Variants in TMCC1 observed in about 807,000 individuals in gnomAD.
TMCC1 encodes transmembrane and coiled-coil domains protein 1.
TMCC1 carries 15 observed loss-of-function variants against 52.4 expected under a neutral mutation model. That is an observed-to-expected ratio of 0.29 (90% CI 0.19 to 0.44). TMCC1 has a LOEUF of 0.44. Among genes scored for constraint, TMCC1 ranks in the 20% least tolerant of loss-of-function variants. The pLI, the probability that TMCC1 is intolerant of heterozygous loss-of-function variation, is 1.00. For missense variants in TMCC1, 503 were observed against 806.0 expected, an observed-to-expected ratio of 0.62 and a Z score of 4.55; for synonymous variants, 279 against 301.9, an observed-to-expected ratio of 0.92 and a Z score of 0.79.
At chr3:129,664,200 G>C (rs573484279) in intron 5 of TMCC1, among the ~76,000 whole-genome samples, 21 of 152,180 alleles carry the variant, frequency 1.4e-4, no homozygotes, top group African/African-American at 3.4e-4. Context: ...CAAACTTATT[G>C]TCCAAATCTA....
chr3:129,743,510 T>C (rs531348441), intron 4 of TMCC1, among the ~76,000 whole-genome samples: 2 of 152,302 alleles, frequency 1.3e-5, no homozygotes, highest in South Asian at 2.1e-4. Flanking sequence ...ATGTGAAGTA[T>C]TCAGAGCAAA....
At chr3:129,873,916 A>G (rs568054397) in intron 2 of TMCC1, among the ~76,000 whole-genome samples, 1 of 152,288 alleles carries the variant, frequency 6.6e-6, no homozygotes, top group East Asian at 1.9e-4. Flanking sequence ...TTGGATTTTC[A>G]AATTTGGGAT....
intron 1 of TMCC1, among the ~76,000 whole-genome samples, chr3:129,889,164 C>T (rs1413795447): frequency 2.0e-5 from 3 of 151,996 alleles, no homozygotes; most frequent in Admixed American, 2.0e-4. Flanking sequence ...CCCAGCTACT[C>T]CGGACATTGA....
chr3:129,694,587 A>C (rs917316228), intron 4 of TMCC1, among the ~76,000 whole-genome samples: 1 of 152,232 alleles, frequency 6.6e-6, no homozygotes, highest in African/African-American at 2.4e-5. Flanking sequence ...GAAGCCAGCT[A>C]AAACCCACTG....
intron 2 of TMCC1, among the ~76,000 whole-genome samples, chr3:129,839,757 C>T (rs2107863502): frequency 6.6e-6 from 1 of 152,040 alleles, no homozygotes; most frequent in East Asian, 1.9e-4. Context: ...TGGTGGTGTG[C>T]ACCTGTAGTA....
At chr3:129,835,463 C>T (rs1046781613) in intron 2 of TMCC1, among the ~76,000 whole-genome samples, 1 of 151,794 alleles carries the variant, frequency 6.6e-6, no homozygotes, top group African/African-American at 2.4e-5. Context: ...GTTTTAGAAT[C>T]CAGAAAGAGA....
intron 4 of TMCC1, among the ~76,000 whole-genome samples, chr3:129,799,409 A>C (rs2057044392): frequency 6.6e-6 from 1 of 152,188 alleles, no homozygotes. Flanking sequence ...GTTGTTGCCT[A>C]TTCTGTAATG....
At chr3:129,760,427 TG>T (rs1560352514) in intron 4 of TMCC1, among the ~76,000 whole-genome samples, 3 of 149,320 alleles carry the variant, frequency 2.0e-5, no homozygotes, top group African/African-American at 7.3e-5. Context: ...TGTGTGTGTG[TG>T]TGTGTGTTTT....
At chr3:129,864,288 G>C (rs1303944741) in intron 2 of TMCC1, among the ~76,000 whole-genome samples, 1 of 152,152 alleles carries the variant, frequency 6.6e-6, no homozygotes, top group Non-Finnish European at 1.5e-5. Flanking sequence ...ACTTGCCTAA[G>C]ATCTCACAGC....
chr3:129,751,854 C>T (rs1019162062), intron 4 of TMCC1, among the ~76,000 whole-genome samples: 3 of 152,088 alleles, frequency 2.0e-5, no homozygotes, highest in African/African-American at 4.8e-5. Flanking sequence ...CCACCATGCC[C>T]AGCACACTAT....
intron 2 of TMCC1, among the ~76,000 whole-genome samples, chr3:129,837,363 G>A (rs2059205548): frequency 6.6e-6 from 1 of 152,064 alleles, no homozygotes; most frequent in Non-Finnish European, 1.5e-5. Context: ...AGCACAAAGG[G>A]AAAACCCAAA....
intron 4 of TMCC1, among the ~76,000 whole-genome samples, chr3:129,795,110 C>T (rs367951042): frequency 5.9e-5 from 9 of 152,296 alleles, no homozygotes; most frequent in Admixed American, 6.5e-5. Context: ...CATACTCCGA[C>T]GGTGACTTCA....
chr3:129,711,907 C>A (rs2048717658), intron 4 of TMCC1, among the ~76,000 whole-genome samples: 1 of 141,184 alleles, frequency 7.1e-6, no homozygotes, highest in Non-Finnish European at 1.5e-5. Flanking sequence ...GAGGCTGAGG[C>A]AGGAGAATCG....
chr3:129,775,485 A>G (rs781766991), intron 4 of TMCC1, among the ~76,000 whole-genome samples: 3 of 152,136 alleles, frequency 2.0e-5, no homozygotes, highest in Non-Finnish European at 4.4e-5. Context: ...AGAAAAAGAA[A>G]TTAAACATAA....
intron 2 of TMCC1, among the ~76,000 whole-genome samples, chr3:129,833,065 T>C (rs1233507713): frequency 6.6e-6 from 1 of 152,132 alleles, no homozygotes; most frequent in Non-Finnish European, 1.5e-5. Flanking sequence ...AATATTAACT[T>C]AGCACTTGAA....
chr3:129,787,380 C>A (rs1411580804), intron 4 of TMCC1, among the ~76,000 whole-genome samples: 4 of 152,080 alleles, frequency 2.6e-5, no homozygotes, highest in African/African-American at 9.7e-5. Context: ...TTTCTTACAA[C>A]CTATATGATG....
intron 4 of TMCC1, among the ~76,000 whole-genome samples, chr3:129,704,371 T>A (rs2048061107): frequency 6.6e-6 from 1 of 152,206 alleles, no homozygotes; most frequent in Admixed American, 6.5e-5. Flanking sequence ...AGTATTCATA[T>A]GCTCTTTGGC....
rs1046891367 is a variant in TMCC1 at position 129,746,421 on chromosome 3, C to T, written c.577-75157G>A. ...GTCTTGATCTCTTGACCTCGTGATC[C>T]GCCCGCCTCGGCCTCCCAAAGTGCT... On this transcript the variant is annotated intron_variant, in intron 4 of 6. Coordinates refer to ENST00000393238, the MANE Select transcript of TMCC1 (RefSeq NM_001017395.5). Among the ~76,000 whole-genome samples the T allele has an allele frequency of 4.0e-5, 6 of 151,748 alleles. No homozygotes were observed. The East Asian group carries it at 5.8e-4, about 15-fold the overall frequency.
chr3:129,729,261 T>G (rs2050357206), intron 4 of TMCC1, among the ~76,000 whole-genome samples: 1 of 152,230 alleles, frequency 6.6e-6, no homozygotes, highest in African/African-American at 2.4e-5. Flanking sequence ...TTAGTCATTT[T>G]AAGAGTGGTA....
Sources: gnomAD v4.1 joint callset for allele counts (sites outside exome capture counted in the v4.1 genomes callset) on GRCh38, gnomAD v4.1.1 for gene constraint, MANE v1.5 for transcripts, NCBI Gene and HGNC (gene_info 2026-07-23, HGNC 2026-07-21) for gene names.